The following BLK variants were observed in gnomAD, a reference collection of about 807,000 sequenced individuals.
The protein encoded by BLK is tyrosine-protein kinase Blk.
BLK carries 64 observed loss-of-function variants against 61.8 expected under a neutral mutation model. The ratio of observed to expected loss-of-function variants is 1.03; its 90% CI spans 0.85 to 1.27. The LOEUF is 1.27. BLK is among the 50% of genes most tolerant of loss of function. The pLI is 0.00. For missense variants in BLK, 853 were observed against 660.5 expected (o/e 1.29, Z -3.19); for synonymous variants, 351 against 272.0 (o/e 1.29, Z -2.86).
chr8:11,533,615 A>AGGG (rs1271633384), intron 1 of BLK, among the ~76,000 whole-genome samples: 1 of 100,796 alleles, frequency 9.9e-6, no homozygotes, highest in African/African-American at 3.6e-5. Flanking sequence ...AAGGAGGAGG[A>AGGG]GAGGAGTAGG....
intron 1 of BLK, among the ~76,000 whole-genome samples, chr8:11,526,153 C>T (rs1172718602): frequency 6.6e-6 from 1 of 152,224 alleles, no homozygotes; most frequent in African/African-American, 2.4e-5. Context: ...GAGCTAAATA[C>T]ACTGACAGAT....
chr8:11,516,413 G>A (rs1269012732), intron 1 of BLK, among the ~76,000 whole-genome samples: 1 of 152,194 alleles, frequency 6.6e-6, no homozygotes, highest in African/African-American at 2.4e-5. Context: ...GCGGTGCAAA[G>A]AAAGTTCACC....
At chr8:11,527,598 G>C (rs1799709365) in intron 1 of BLK, among the ~76,000 whole-genome samples, 1 of 151,958 alleles carries the variant, frequency 6.6e-6, no homozygotes, top group Middle Eastern at 3.4e-3. Context: ...TGGACAATTT[G>C]GTGGGCAGGG....
Position 11,530,587 on chromosome 8 carries a change from A to G in BLK, c.-1-12637A>G, listed in dbSNP as rs977663125. On this transcript the variant is annotated intron_variant, in intron 1 of 12. Transcript: ENST00000259089. ...TAAAAATACTCACAAATAATTTCCA[A>G]ATTCTGGAGAAGGCAGGTAAAGAGA... Among the ~76,000 whole-genome samples, 7 of 152,240 alleles carry G rather than the reference A, an allele frequency of 4.6e-5. No homozygotes were observed. In the East Asian group the frequency reaches 1.2e-3, roughly 25 times the overall value.
intron 4 of BLK, among the ~76,000 whole-genome samples, chr8:11,548,423 C>T (rs1800745164): frequency 6.6e-6 from 1 of 152,212 alleles, no homozygotes; most frequent in Non-Finnish European, 1.5e-5. Flanking sequence ...GTCCTTTATG[C>T]AGGCTGGTCT....
intron 3 of BLK, 64 bp downstream of exon 3, chr8:11,546,167 G>C: frequency 6.3e-7 from 1 of 1,588,784 alleles, no homozygotes; most frequent in Non-Finnish European, 8.6e-7. Context: ...CAGCTTTGTG[G>C]AGTTGGAAAA....
intron 12 of BLK, 42 bp downstream of exon 12, chr8:11,563,152 G>A (rs778468271): frequency 1.5e-5 from 24 of 1,611,440 alleles, no homozygotes; most frequent in African/African-American, 4.0e-5. Flanking sequence ...CTGCTTTCCC[G>A]GCCGGCCCTG....
intron 1 of BLK, among the ~76,000 whole-genome samples, chr8:11,498,213 C>T (rs558439182): frequency 5.3e-5 from 8 of 152,236 alleles, no homozygotes; most frequent in Admixed American, 2.0e-4. Flanking sequence ...AAGGAGGCTC[C>T]CATGCTCAGG....
At chr8:11,501,534 C>A (rs184589235) in intron 1 of BLK, among the ~76,000 whole-genome samples, 100 of 152,210 alleles carry the variant, frequency 6.6e-4, no homozygotes, top group African/African-American at 2.2e-3. Flanking sequence ...TAACAACCAG[C>A]TTTCCAGGAA....
chr8:11,547,213 C>T (rs550610128), intron 3 of BLK, among the ~76,000 whole-genome samples: 65 of 152,260 alleles, frequency 4.3e-4, no homozygotes, highest in Non-Finnish European at 7.9e-4. Flanking sequence ...GTGAGCAGAA[C>T]CTGAATCTTA....
At position 11,550,344 on chromosome 8, in the gene BLK, G is replaced by A. The variant is rs1298845344; in HGVS notation, c.472+82G>A. 2.2e-6 allele frequency: 3 copies of A among 1,339,744 alleles called. No homozygotes were observed. In the East Asian group the frequency reaches 6.9e-5, roughly 31 times the overall value. The allele number at this position is 1,339,744 out of a possible 1,614,324, so 83.0% of individuals were successfully genotyped here. A position where few individuals can be genotyped will look rare whatever the true frequency, so the allele number is the denominator to read the frequency against. On this transcript the variant is annotated intron_variant, in intron 6 of 12. Transcript: ENST00000259089. Reference sequence around the variant, plus strand: ...CCAGAGGCCTGGCCCTGGAGTGAGAGGGGAAGGGGTGACTGCCAGGAGAAC... The same window carrying A: ...CCAGAGGCCTGGCCCTGGAGTGAGAAGGGAAGGGGTGACTGCCAGGAGAAC...
At chr8:11,520,991 A>T (rs1175681445) in intron 1 of BLK, among the ~76,000 whole-genome samples, 2 of 152,218 alleles carry the variant, frequency 1.3e-5, no homozygotes, top group Admixed American at 1.3e-4. Context: ...TTAAATCAGA[A>T]AAATGAATGA....
chr8:11,502,519 C>G (rs1041828681), intron 1 of BLK, among the ~76,000 whole-genome samples: 1 of 152,136 alleles, frequency 6.6e-6, no homozygotes, highest in Non-Finnish European at 1.5e-5. Context: ...AACTCCTGAC[C>G]TCAAGTGATC....
At chr8:11,558,863 A>G (rs1801350069) in intron 10 of BLK, 1 of 455,100 alleles carries the variant, frequency 2.2e-6, no homozygotes, top group African/African-American at 2.0e-5. Flanking sequence ...AAACGCTCCC[A>G]CCCACCGCCC....
At chr8:11,519,751 G>A (rs1799368093) in intron 1 of BLK, among the ~76,000 whole-genome samples, 1 of 152,174 alleles carries the variant, frequency 6.6e-6, no homozygotes, top group Admixed American at 6.5e-5. Context: ...GGCGTAGTTT[G>A]TAAACTGTAA....
chr8:11,495,327 T>G (rs1193632569), intron 1 of BLK, among the ~76,000 whole-genome samples: 1 of 151,704 alleles, frequency 6.6e-6, no homozygotes, highest in African/African-American at 2.4e-5. Flanking sequence ...ACAGAAGAAA[T>G]TGCTGTGATA....
chr8:11,512,340 G>C (rs77705459), intron 1 of BLK, among the ~76,000 whole-genome samples: 1 of 152,128 alleles, frequency 6.6e-6, no homozygotes, highest in East Asian at 1.9e-4. Flanking sequence ...CTCTTAACAA[G>C]GTCTAGCCAA....
intron 1 of BLK, among the ~76,000 whole-genome samples, chr8:11,525,193 G>A (rs140653288): frequency 1.9e-3 from 292 of 152,242 alleles, no homozygotes; most frequent in African/African-American, 6.7e-3. Context: ...GCACACAGAC[G>A]TATTTGCTTT....
chr8:11,544,594 A>G (rs1800538044), intron 2 of BLK, among the ~76,000 whole-genome samples: 1 of 152,252 alleles, frequency 6.6e-6, no homozygotes, highest in Admixed American at 6.5e-5. Flanking sequence ...CCAAAATTAT[A>G]TGATAATAAG....
Sources: gnomAD v4.1 joint callset for allele counts (sites outside exome capture counted in the v4.1 genomes callset) on GRCh38, gnomAD v4.1.1 for gene constraint, MANE v1.5 for transcripts, NCBI Gene and HGNC (gene_info 2026-07-23, HGNC 2026-07-21) for gene names.